The following ANXA7 variants were observed in gnomAD, a reference collection of about 807,000 sequenced individuals.
ANXA7 encodes annexin VII.
ANXA7 carries 55 observed loss-of-function variants against 64.9 expected under a neutral mutation model. The ratio of observed to expected loss-of-function variants is 0.85; its 90% CI spans 0.68 to 1.06. The LOEUF (loss-of-function observed/expected upper bound fraction) is 1.06. Among genes scored for constraint, ANXA7 ranks in the 50% least tolerant of loss-of-function variants. The pLI, the probability that ANXA7 is intolerant of heterozygous loss-of-function variation, is 0.00. For missense variants in ANXA7, 548 were observed against 582.1 expected (o/e 0.94, Z 0.60); for synonymous variants, 200 against 192.4 (o/e 1.04, Z -0.33).
chr10:73,379,742 C>T, intron 11 of ANXA7, 137 bp downstream of exon 11: 1 of 855,218 alleles, frequency 1.2e-6, no homozygotes. Context: ...CAACAAAAAA[C>T]AAACCCCAAA....
At position 73,379,076 on chromosome 10, in the gene ANXA7, C is replaced by A. The variant is rs1049772873; in HGVS notation, c.1166-53G>T. 4.8e-6 allele frequency: 6 copies of A among 1,259,580 alleles called. No homozygotes were observed. The African/African-American group carries it at 7.5e-5, about 16-fold the overall frequency. 78.0% of individuals were successfully genotyped at this position (1,259,580 alleles called of 1,614,324 possible). ...GAATCATGATCTCACAAGAAGTGTACCCCTCCAGCTTCATTTATCACTTAT... is the reference window on the plus strand; with the variant it reads ...GAATCATGATCTCACAAGAAGTGTAACCCTCCAGCTTCATTTATCACTTAT... On this transcript the variant is annotated intron_variant, in intron 11 of 12. Transcript: ENST00000372921.
chr10:73,380,620 T>A (rs766238825), intron 9 of ANXA7, among the ~76,000 whole-genome samples: 5 of 152,198 alleles, frequency 3.3e-5, no homozygotes, highest in Non-Finnish European at 7.3e-5. Context: ...CTGTCATGCA[T>A]ATGCTTCATT....
chr10:73,380,014 A>T lies in ANXA7; in HGVS notation c.1089+17T>A. ...ATCTTACAGCAGAAGCCAAATCTTC[A>T]AAAGAAAAGCTCATACCCTAGAATA... On this transcript the variant is annotated intron_variant, in intron 10 of 12. Transcript: ENST00000372921. 6.2e-7 allele frequency: 1 copy of T among 1,611,492 alleles called. No homozygotes were observed. Among genetic ancestry groups the T allele is most frequent in the Non-Finnish European group, 8.5e-7 (1 of 1,179,298 alleles).
chr10:73,378,887 CAA>C, intron 12 of ANXA7, 22 bp downstream of exon 12: 1 of 1,569,044 alleles, frequency 6.4e-7, no homozygotes, highest in Non-Finnish European at 8.8e-7. Flanking sequence ...TAAGACCCGA[CAA>C]AAAGAGAGAG....
At chr10:73,402,566 T>C (rs1295053509) in intron 1 of ANXA7, among the ~76,000 whole-genome samples, 1 of 152,222 alleles carries the variant, frequency 6.6e-6, no homozygotes. Context: ...TTAGGTCCAT[T>C]TGTTTCATTT....
chr10:73,391,267 C>A (rs2055478140), intron 5 of ANXA7, among the ~76,000 whole-genome samples: 1 of 151,496 alleles, frequency 6.6e-6, no homozygotes, highest in Non-Finnish European at 1.5e-5. Context: ...GAAGTTCCAA[C>A]CTTTGCTATT....
At chr10:73,406,252 G>A (rs573591599) in intron 1 of ANXA7, among the ~76,000 whole-genome samples, 16 of 152,042 alleles carry the variant, frequency 1.1e-4, no homozygotes, top group East Asian at 1.9e-4. Context: ...CACTGCGCCC[G>A]GCCAAAACCA....
chr10:73,388,378 G>A lies in ANXA7; in HGVS notation c.472C>T (p.Arg158Ter), dbSNP rs746705102. 1.7e-5 allele frequency: 27 copies of A among 1,613,938 alleles called. No individual in the cohort carries two copies. The highest frequency in any genetic ancestry group is 2.2e-5 in the East Asian group (1 of 44,880). ...ATAGCATCGAAGTTGGCAGCTGGTC[G>A]GATAGTTCCTTGAGTGACCTGAGTC... ...TVTQVTQGTIRPAANFDAIRD... is the reference protein window; with the variant it reads ...TVTQVTQGTI The change falls in exon 6 of 13, where the codon CGA (arginine) becomes TGA (stop). Residue 158 changes from arginine to a stop codon, truncating the protein, a stop_gained. Coordinates refer to ENST00000372921, the MANE Select transcript of ANXA7 (RefSeq NM_001156.5). LOFTEE classifies it high-confidence loss of function.
intron 1 of ANXA7, among the ~76,000 whole-genome samples, chr10:73,406,600 T>G (rs1206984209): frequency 6.6e-6 from 1 of 152,104 alleles, no homozygotes; most frequent in Non-Finnish European, 1.5e-5. Context: ...GATGGTTTCT[T>G]GCTCTATCGC....
chr10:73,380,394 C>A (rs896898987), intron 9 of ANXA7, among the ~76,000 whole-genome samples, 193 bp from the exon 10 acceptor site: 3 of 151,962 alleles, frequency 2.0e-5, no homozygotes, highest in Non-Finnish European at 4.4e-5. Context: ...CTCAGCCTCC[C>A]AGATAGCTGG....
intron 2 of ANXA7, among the ~76,000 whole-genome samples, chr10:73,399,753 C>T (rs1337681503): frequency 2.0e-5 from 3 of 151,574 alleles, no homozygotes; most frequent in Admixed American, 2.0e-4. Context: ...CCCCAGGAGA[C>T]GGAGGTTGCA....
rs2055250495 is a variant in ANXA7, at chr10:73,380,087, T to C, written c.1033A>G (p.Ile345Val). 2 of 1,614,136 alleles carry C rather than the reference T, an allele frequency of 1.2e-6. No individual in the cohort carries two copies. The highest frequency in any genetic ancestry group is 8.5e-7 in the Non-Finnish European group (1 of 1,180,022). ...LGTDESCFNMILATRSFPQLR... is the reference protein window; with the variant it reads ...LGTDESCFNMVLATRSFPQLR... Reference sequence around the variant, plus strand: ...TGAGGAAAGCTTCTTGTGGCAAGGATCATGTTAAAGCAAGATTCATCGGTC... The same window carrying C: ...TGAGGAAAGCTTCTTGTGGCAAGGACCATGTTAAAGCAAGATTCATCGGTC... Residue 345 changes from isoleucine (I) to valine (V), a missense_variant, in exon 10 of 13, where the codon ATC becomes GTC. Coordinates refer to ENST00000372921, the MANE Select transcript of ANXA7 (RefSeq NM_001156.5).
chr10:73,377,930 TGC>T (rs1554815407), intron 12 of ANXA7, among the ~76,000 whole-genome samples: 2 of 142,490 alleles, frequency 1.4e-5, no homozygotes, highest in Admixed American at 6.8e-5. Context: ...TGTGTGTGTG[TGC>T]GCGCGCGTGT....
At position 73,388,371 on chromosome 10, in the gene ANXA7, G is replaced by T. The variant is rs1372218267; in HGVS notation, c.479C>A (p.Ala160Asp). 13 of 1,614,036 alleles carry T rather than the reference G, an allele frequency of 8.1e-6. No homozygotes were observed. The East Asian group carries it at 2.9e-4, about 36-fold the overall frequency. ...ATCTCTTATAGCATCGAAGTTGGCA[G>T]CTGGTCGGATAGTTCCTTGAGTGAC... ...TQVTQGTIRP[A>D]ANFDAIRDAE... The change falls in exon 6 of 13, where the codon GCT (alanine) becomes GAT (aspartate). Residue 160 changes from alanine to aspartate, a missense_variant. Ala to Asp is a moderately radical substitution (Grantham distance 126). Coordinates refer to ENST00000372921, the MANE Select transcript of ANXA7 (RefSeq NM_001156.5).
At chr10:73,403,656 C>T (rs2055708981) in intron 1 of ANXA7, among the ~76,000 whole-genome samples, 1 of 152,208 alleles carries the variant, frequency 6.6e-6, no homozygotes, top group Non-Finnish European at 1.5e-5. Context: ...TTTGCCAATA[C>T]TATCTTCGGG....
chr10:73,380,323 T>C, intron 9 of ANXA7, 122 bp from the exon 10 acceptor site: 3 of 964,716 alleles, frequency 3.1e-6, no homozygotes, highest in Non-Finnish European at 3.0e-6. Context: ...AGATAGGGTC[T>C]TGCTCTGTCA....
intron 1 of ANXA7, among the ~76,000 whole-genome samples, chr10:73,403,077 C>T (rs905378809): frequency 1.3e-5 from 2 of 152,214 alleles, no homozygotes; most frequent in African/African-American, 2.4e-5. Context: ...CCCACCTTGG[C>T]CTCCCAAAGT....
In ANXA7 at chr10:73,380,169, G is replaced by A. The variant is rs538443076; in HGVS notation, c.951C>T (p.His317=). 6 of 1,614,114 alleles carry A rather than the reference G, an allele frequency of 3.7e-6. No individual in the cohort carries two copies. The highest frequency in any genetic ancestry group is 3.3e-5 in the South Asian group (3 of 91,072). Residue 317 remains histidine, a synonymous_variant, in exon 10 of 13, where the codon CAC becomes CAT. Coordinates refer to ENST00000372921, the MANE Select transcript of ANXA7 (RefSeq NM_001156.5). The stretch of plus-strand genomic sequence containing the variant: ...GCTGAGCATCTTCCTGAGCCATTTG[G>A]TGGTTTATACTCTGGTTCTCATCAC... The part of the protein sequence containing the change: ...GNRDENQSIN[H]QMAQEDAQRL...
chr10:73,383,850 G>T (rs60778687), intron 7 of ANXA7, among the ~76,000 whole-genome samples, 160 bp from the exon 8 acceptor site: 1 of 152,094 alleles, frequency 6.6e-6, no homozygotes, highest in East Asian at 1.9e-4. Context: ...GGCCAGGCGC[G>T]GTGGCTCATG....
Sources: gnomAD v4.1 joint callset for allele counts (sites outside exome capture counted in the v4.1 genomes callset) on GRCh38, gnomAD v4.1.1 for gene constraint, MANE v1.5 for transcripts, NCBI Gene and HGNC (gene_info 2026-07-23, HGNC 2026-07-21) for gene names.